Variants in HECTD4 observed in about 807,000 individuals in gnomAD.
HECTD4 encodes the protein HECT domain E3 ubiquitin protein ligase 4.
HECTD4 carries 114 observed loss-of-function variants against 471.5 expected under a neutral mutation model. The observed-to-expected ratio is 0.24, with a 90% CI of 0.21 to 0.28. HECTD4 has a LOEUF of 0.28. Ranked by LOEUF, HECTD4 falls within the 10% of genes least tolerant of loss-of-function variation. The probability of loss-of-function intolerance (pLI) is 1.00; values close to 1 mark genes in which losing one functional copy is unlikely to be tolerated. For synonymous variants in HECTD4, 2,012 were observed against 2,256.0 expected, an observed-to-expected ratio of 0.89 and a Z score of 3.07; for missense variants, 3,866 against 5,651.5, an observed-to-expected ratio of 0.68 and a Z score of 10.13.
At chr12:112,263,724 T>TAC (rs367597011) in intron 17 of HECTD4, among the ~76,000 whole-genome samples, 11,055 of 125,002 alleles carry the variant, frequency 0.088, 463 homozygotes, top group Middle Eastern at 0.13. Context: ...TATATATATA[T>TAC]ACACACACAC....
intron 35 of HECTD4, among the ~76,000 whole-genome samples, chr12:112,236,349 C>T (rs2033502776): frequency 6.6e-6 from 1 of 152,190 alleles, no homozygotes; most frequent in African/African-American, 2.4e-5. Flanking sequence ...AAATAGTTCT[C>T]TTTGGAATTT....
At chr12:112,336,246 G>A (rs1455304746) in intron 1 of HECTD4, among the ~76,000 whole-genome samples, 1 of 152,080 alleles carries the variant, frequency 6.6e-6, no homozygotes, top group African/African-American at 2.4e-5. Flanking sequence ...AAACATGGCC[G>A]GGCGCGGTGG....
At chr12:112,262,975 T>C (rs1020220143) in intron 17 of HECTD4, among the ~76,000 whole-genome samples, 2 of 152,178 alleles carry the variant, frequency 1.3e-5, no homozygotes, top group African/African-American at 4.8e-5. Context: ...TCTGAACTAA[T>C]GATGAGCCAA....
At chr12:112,327,781 T>A (rs1409847926) in intron 1 of HECTD4, among the ~76,000 whole-genome samples, 2 of 152,228 alleles carry the variant, frequency 1.3e-5, no homozygotes. Context: ...ACTAGTCCCA[T>A]CTGTTGTACT....
chr12:112,210,694 C>A (rs1381033071), intron 49 of HECTD4, among the ~76,000 whole-genome samples: 2 of 152,212 alleles, frequency 1.3e-5, no homozygotes, highest in Admixed American at 6.5e-5. Flanking sequence ...CTGCCACTTG[C>A]TTCTAGGAAG....
intron 44 of HECTD4, among the ~76,000 whole-genome samples, chr12:112,223,605 A>G (rs2033155293): frequency 6.6e-6 from 1 of 152,186 alleles, no homozygotes. Context: ...TTCTGAGTAG[A>G]GACAGGGCTT....
chr12:112,168,386 G>A lies in HECTD4; in HGVS notation c.12209-469C>T, dbSNP rs564480194. Among the ~76,000 whole-genome samples, 8 of 152,324 alleles carry A rather than the reference G, an allele frequency of 5.3e-5. No individual in the cohort carries two copies. The South Asian group carries it at 1.4e-3, about 28-fold the overall frequency. ...GGGCTCGCGTATGTCCGATGAATGC[G>A]TGAGTGAATGGACAAATGTGTGAAT... On this transcript the variant is annotated intron_variant, in intron 70 of 75. Coordinates refer to ENST00000682272, the MANE Select transcript of HECTD4 (RefSeq NM_001388303.1).
intron 44 of HECTD4, among the ~76,000 whole-genome samples, chr12:112,220,770 C>T (rs1049055520): frequency 6.6e-6 from 1 of 151,978 alleles, no homozygotes; most frequent in Non-Finnish European, 1.5e-5. Flanking sequence ...GCATTCCAGC[C>T]TGGGTGACAG....
chr12:112,361,206 A>G (rs1055704667), intron 1 of HECTD4, among the ~76,000 whole-genome samples: 3 of 151,888 alleles, frequency 2.0e-5, no homozygotes. Context: ...TCCCATCCAT[A>G]TTTTCTTCAT....
chr12:112,286,973 T>A lies in HECTD4; in HGVS notation c.1336-3671A>T, dbSNP rs1289955830. On this transcript the variant is annotated intron_variant, in intron 7 of 75. Transcript: ENST00000682272. ...CTTGTGCTACCCATCCGTTGCAGTT[T>A]GCCTGGAACTGCAGGTTTTAGCACC... Among the ~76,000 whole-genome samples, 8 of 152,186 alleles carry A rather than the reference T, an allele frequency of 5.3e-5. 1 individual carries two copies. The highest frequency in any genetic ancestry group is 5.2e-4 in the Admixed American group (8 of 15,274).
At chr12:112,323,791 A>G (rs185516778) in intron 1 of HECTD4, among the ~76,000 whole-genome samples, 10 of 152,048 alleles carry the variant, frequency 6.6e-5, no homozygotes, top group Admixed American at 6.6e-4. Context: ...ACACCTCCCA[A>G]AAAAGGCCAG....
In HECTD4 at chr12:112,236,987, T is replaced by A; in HGVS notation, c.5402A>T (p.Asp1801Val). 6.2e-7 allele frequency: 1 copy of A among 1,612,870 alleles called. No individual in the cohort carries two copies. The highest frequency in any genetic ancestry group is 8.5e-7 in the Non-Finnish European group (1 of 1,179,540). ...AAGACTAAGGACATCCTGGAGCGCG[T>A]CATTCCCAGCAGCCTGGTTGCCACA... Reference protein sequence around the residue: ...ECCGNQAAGNDALQDVLSLLN... With the variant: ...ECCGNQAAGNVALQDVLSLLN... Residue 1801 changes from aspartate to valine, a missense_variant, in exon 35 of 76, where the codon GAC (aspartate) becomes GTC (valine). By Grantham distance (152) the Asp-to-Val change is radical. Around this residue, in one of 16 missense-constraint regions of HECTD4, gnomAD observed 229 missense variants for 386.4 expected, o/e 0.59. Coordinates refer to ENST00000682272, the MANE Select transcript of HECTD4 (RefSeq NM_001388303.1).
intron 55 of HECTD4, among the ~76,000 whole-genome samples, chr12:112,199,060 A>G (rs900924981): frequency 6.6e-6 from 1 of 152,164 alleles, no homozygotes; most frequent in Non-Finnish European, 1.5e-5. Flanking sequence ...TTGGATTAGG[A>G]CACGGGGCTG....
At chr12:112,202,130 G>A (rs1016861116) in intron 54 of HECTD4, among the ~76,000 whole-genome samples, 1 of 152,090 alleles carries the variant, frequency 6.6e-6, no homozygotes, top group South Asian at 2.1e-4. Flanking sequence ...GTTCACCTCA[G>A]TGACCACCAG....
intron 7 of HECTD4, among the ~76,000 whole-genome samples, chr12:112,290,854 A>C (rs12316997): frequency 0.035 from 5,187 of 147,712 alleles, 482 homozygotes; most frequent in African/African-American, 0.13. Flanking sequence ...GTCTCAAAAA[A>C]AAACAAAACA....
At position 112,279,356 on chromosome 12, in the gene HECTD4, AT is replaced by A; in HGVS notation, c.1558del (p.Met520CysfsTer15). 1 of 1,605,140 alleles carries A rather than the reference AT, an allele frequency of 6.2e-7. No individual in the cohort carries two copies. The highest frequency in any genetic ancestry group is 1.8e-5 in the Admixed American group (1 of 56,824). On this transcript the variant is annotated frameshift_variant, in exon 9 of 76. Transcript: ENST00000682272. LOFTEE classifies it high-confidence loss of function. ...ANTSCGLPLK[M>X]LRKTPIYTCG... Reference sequence around the variant, plus strand: ...GGTATATATGGGTGTCTTCCGCAGCATTTTTAGAGGCAGCCCACAGCTAGTA... The same window carrying A: ...GGTATATATGGGTGTCTTCCGCAGCATTTTAGAGGCAGCCCACAGCTAGTA...
intron 52 of HECTD4, among the ~76,000 whole-genome samples, chr12:112,206,021 C>A (rs555268692): frequency 1.3e-5 from 2 of 152,172 alleles, no homozygotes; most frequent in South Asian, 4.2e-4. Context: ...CTCTTTCTTC[C>A]CAGAGAAAGA....
At chr12:112,284,041 C>A (rs574179557) in intron 7 of HECTD4, among the ~76,000 whole-genome samples, 2 of 151,514 alleles carry the variant, frequency 1.3e-5, no homozygotes, top group Non-Finnish European at 2.9e-5. Context: ...CTCCTACTCA[C>A]GTCTCTTCCA....
At chr12:112,186,863 T>C (rs2137031460) in intron 60 of HECTD4, among the ~76,000 whole-genome samples, 1 of 151,880 alleles carries the variant, frequency 6.6e-6, no homozygotes, top group African/African-American at 2.4e-5. Context: ...AGATGGGGTA[T>C]CGTCATGTTG....
Sources: gnomAD v4.1 joint callset for allele counts (sites outside exome capture counted in the v4.1 genomes callset) on GRCh38, gnomAD v4.1.1 for gene constraint, gnomAD v4.1.1 regional missense constraint, MANE v1.5 for transcripts, NCBI Gene and HGNC (gene_info 2026-07-23, HGNC 2026-07-21) for gene names.